NTNG1: variants seen among roughly 807,000 people sequenced by gnomAD.
The protein encoded by NTNG1 is netrin G1, also known as netrin-G1.
Under a neutral mutation model 54.0 loss-of-function variants are expected in NTNG1, and 16 were observed. The ratio of observed to expected loss-of-function variants is 0.30; its 90% CI spans 0.20 to 0.45. NTNG1 has a LOEUF of 0.45. NTNG1 is among the 20% of genes least tolerant of loss of function. NTNG1 has a pLI of 1.00. For missense variants in NTNG1, 530 were observed against 678.7 expected (o/e 0.78, Z 2.43); for synonymous variants, 255 against 263.1 (o/e 0.97, Z 0.30).
chr1:107,149,566 T>C (rs1024191135), intron 2 of NTNG1, among the ~76,000 whole-genome samples: 5 of 152,156 alleles, frequency 3.3e-5, no homozygotes, highest in Admixed American at 1.3e-4. Context: ...ACAGAATTCA[T>C]TGTTCTGAAG....
chr1:107,364,396 T>G (rs908693034), intron 3 of NTNG1, among the ~76,000 whole-genome samples: 1 of 152,214 alleles, frequency 6.6e-6, no homozygotes, highest in African/African-American at 2.4e-5. Flanking sequence ...ATTTCTTTCA[T>G]AGGTTACACT....
intron 2 of NTNG1, among the ~76,000 whole-genome samples, chr1:107,279,832 C>A (rs907856731): frequency 2.0e-5 from 3 of 151,804 alleles, no homozygotes; most frequent in Admixed American, 1.3e-4. Context: ...TCTCTGTTGC[C>A]CAGGCTCGAG....
At position 107,361,392 on chromosome 1, in the gene NTNG1, T is replaced by TATATATATATA. The variant is rs1553232702; in HGVS notation, c.888-33762_888-33761insATATATATATA. Among the ~76,000 whole-genome samples, 57 of 23,426 alleles carry TATATATATATA rather than the reference T, an allele frequency of 2.4e-3. No individual in the cohort carries two copies. In the East Asian group the frequency reaches 0.07, roughly 29 times the overall value. 15.4% of individuals were successfully genotyped at this position (23,426 alleles called of 152,430 possible). Reference sequence around the variant, plus strand: ...ATATATACATATATATATATATATATTTTTTTTTTTTTTTGAGACACAGTT... The same window carrying TATATATATATA: ...ATATATACATATATATATATATATATATATATATATATTTTTTTTTTTTTTGAGACACAGTT... On this transcript the variant is annotated intron_variant, in intron 3 of 7. Coordinates refer to ENST00000370068, the MANE Select transcript of NTNG1 (RefSeq NM_001113226.3).
At chr1:107,213,553 C>T (rs561157253) in intron 2 of NTNG1, among the ~76,000 whole-genome samples, 1 of 152,110 alleles carries the variant, frequency 6.6e-6, no homozygotes, top group South Asian at 2.1e-4. Context: ...CCATTGCCCT[C>T]TCTGATTGGT....
intron 2 of NTNG1, among the ~76,000 whole-genome samples, chr1:107,294,192 C>A (rs1486179318): frequency 6.6e-6 from 1 of 152,124 alleles, no homozygotes; most frequent in East Asian, 1.9e-4. Context: ...CTGAGAACAA[C>A]AGGGATGCCA....
intron 2 of NTNG1, among the ~76,000 whole-genome samples, chr1:107,276,733 C>G (rs1370557382): frequency 1.3e-5 from 2 of 151,846 alleles, no homozygotes; most frequent in African/African-American, 4.8e-5. Context: ...ACTAATTGTT[C>G]GATGAATAAA....
At chr1:107,393,103 C>G (rs1002899450) in intron 3 of NTNG1, among the ~76,000 whole-genome samples, 4 of 152,168 alleles carry the variant, frequency 2.6e-5, no homozygotes, top group African/African-American at 9.7e-5. Context: ...TGGAAATTGC[C>G]TGTAACTCAG....
intron 2 of NTNG1, among the ~76,000 whole-genome samples, chr1:107,208,601 T>C (rs1470515458): frequency 6.6e-6 from 1 of 152,122 alleles, no homozygotes; most frequent in Non-Finnish European, 1.5e-5. Context: ...CCATCTGTTG[T>C]CCCTGTCCCC....
chr1:107,288,336 T>C (rs1012203804), intron 2 of NTNG1, among the ~76,000 whole-genome samples: 2 of 152,212 alleles, frequency 1.3e-5, no homozygotes, highest in African/African-American at 4.8e-5. Flanking sequence ...GATGTCTGGC[T>C]GGACCACTGA....
At chr1:107,376,873 C>G (rs1671309318) in intron 3 of NTNG1, among the ~76,000 whole-genome samples, 2 of 152,198 alleles carry the variant, frequency 1.3e-5, no homozygotes, top group Non-Finnish European at 2.9e-5. Context: ...ATGTTCACAG[C>G]TCTGTTCCTT....
At chr1:107,411,589 GT>G (rs929701214) in intron 5 of NTNG1, among the ~76,000 whole-genome samples, 20 of 151,458 alleles carry the variant, frequency 1.3e-4, no homozygotes, top group African/African-American at 2.7e-4. Flanking sequence ...GTTTGTTTGG[GT>G]TTTTTTTTCC....
At chr1:107,169,862 G>A (rs1656088250) in intron 2 of NTNG1, among the ~76,000 whole-genome samples, 1 of 152,178 alleles carries the variant, frequency 6.6e-6, no homozygotes, top group Non-Finnish European at 1.5e-5. Context: ...TGTGGAGGCT[G>A]CCTAGGCAAC....
At chr1:107,264,137 T>TAC (rs1278992439) in intron 2 of NTNG1, among the ~76,000 whole-genome samples, 2 of 151,788 alleles carry the variant, frequency 1.3e-5, no homozygotes, top group Non-Finnish European at 2.9e-5. Flanking sequence ...GCCTGTAGAA[T>TAC]ACACACACAC....
chr1:107,389,969 G>T (rs1158811680), intron 3 of NTNG1, among the ~76,000 whole-genome samples: 1 of 152,182 alleles, frequency 6.6e-6, no homozygotes, highest in Non-Finnish European at 1.5e-5. Flanking sequence ...ACATCGTGAG[G>T]CCGGAGGTCA....
intron 2 of NTNG1, among the ~76,000 whole-genome samples, chr1:107,265,431 G>T (rs1663670813): frequency 6.6e-6 from 1 of 152,138 alleles, no homozygotes; most frequent in South Asian, 2.1e-4. Context: ...GGAGGTAAGA[G>T]AACTTGCTGA....
At chr1:107,320,043 G>A (rs1359496870) in intron 2 of NTNG1, among the ~76,000 whole-genome samples, 1 of 151,978 alleles carries the variant, frequency 6.6e-6, no homozygotes, top group African/African-American at 2.4e-5. Context: ...GCGTATTAAG[G>A]AAGAATAGCA....
intron 2 of NTNG1, among the ~76,000 whole-genome samples, chr1:107,194,188 CCA>C (rs971659325): frequency 6.6e-6 from 1 of 151,946 alleles, no homozygotes; most frequent in African/African-American, 2.4e-5. Flanking sequence ...TCTACCTCCA[CCA>C]TGTTCCTATA....
At chr1:107,392,512 A>T (rs1672425911) in intron 3 of NTNG1, among the ~76,000 whole-genome samples, 1 of 151,948 alleles carries the variant, frequency 6.6e-6, no homozygotes, top group Admixed American at 6.6e-5. Context: ...GGGTATCCAG[A>T]GGGGAGAGTG....
intron 2 of NTNG1, among the ~76,000 whole-genome samples, chr1:107,197,186 C>G (rs968038723): frequency 6.6e-6 from 1 of 151,946 alleles, no homozygotes; most frequent in African/African-American, 2.4e-5. Context: ...GTATGATACC[C>G]TTAGGCTTGT....
Sources: gnomAD v4.1 joint callset for allele counts (sites outside exome capture counted in the v4.1 genomes callset) on GRCh38, gnomAD v4.1.1 for gene constraint, MANE v1.5 for transcripts, NCBI Gene and HGNC (gene_info 2026-07-23, HGNC 2026-07-21) for gene names.